Variants in AGAP1 observed in about 807,000 individuals in gnomAD.
AGAP1 encodes the protein ArfGAP with GTPase domain, ankyrin repeat and PH domain 1.
In AGAP1, 29 loss-of-function variants were observed where a neutral mutation model predicts 105.3. That is an observed-to-expected ratio of 0.28 (90% confidence interval 0.21 to 0.38). AGAP1 has a LOEUF of 0.38. AGAP1 is among the 10% of genes least tolerant of loss of function. The pLI is 1.00. For synonymous variants in AGAP1, 509 were observed against 485.9 expected, an observed-to-expected ratio of 1.05 and a Z score of -0.63; for missense variants, 998 against 1,165.1, an observed-to-expected ratio of 0.86 and a Z score of 2.09.
rs774400832 is a variant in AGAP1, at chr2:235,566,670, C to T, written c.163+71821C>T. Reference sequence around the variant, plus strand: ...CTCATGCCGCAGGACCAGCCGGGACCGGGGAGAGGCTGTTCGAGGAACACA... The same window carrying T: ...CTCATGCCGCAGGACCAGCCGGGACTGGGGAGAGGCTGTTCGAGGAACACA... On this transcript the variant is annotated intron_variant, in intron 1 of 17. Coordinates refer to ENST00000304032, the MANE Select transcript of AGAP1 (RefSeq NM_001037131.3). This position sits in a 1 kb window ranked among gnomAD's most constrained non-coding sequence, Gnocchi z 5.2. 1.4e-4 allele frequency: 124 copies of T among 903,858 alleles called. No individual in the cohort carries two copies. The highest frequency in any genetic ancestry group is 1.6e-4 in the Non-Finnish European group (119 of 755,704). 56.0% of individuals were successfully genotyped at this position (903,858 alleles called of 1,614,324 possible).
chr2:236,113,601 G>A lies in AGAP1; in HGVS notation c.2115-6591G>A, dbSNP rs1035075635. Among the ~76,000 whole-genome samples the A allele has an allele frequency of 2.0e-5, 3 of 152,220 alleles. No homozygotes were observed. The South Asian group carries it at 6.2e-4, about 31-fold the overall frequency. On this transcript the variant is annotated intron_variant, in intron 16 of 17. Transcript: ENST00000304032. The surrounding 1 kb of genome is among the most constrained non-coding windows in gnomAD (Gnocchi z 4.3). ...GTGGATTTGGCATGGCAGGCACTAA[G>A]TATGCGGGTAGCAGGTGGGGAGTGT...
chr2:235,658,730 G>A (rs945561307), intron 1 of AGAP1, among the ~76,000 whole-genome samples: 2 of 152,192 alleles, frequency 1.3e-5, no homozygotes, highest in Non-Finnish European at 1.5e-5. Context: ...GACTTCCCTG[G>A]TGAGGGTGGG....
Position 235,792,011 on chromosome 2 carries a change from C to G in AGAP1, c.674-5748C>G, listed in dbSNP as rs533035214. 2.0e-5 allele frequency among the ~76,000 whole-genome samples: 3 copies of G among 152,258 alleles called. No homozygotes were observed. Among genetic ancestry groups the G allele is most frequent in the African/African-American group, 7.2e-5 (3 of 41,546 alleles). ...TCTCATGTGAATTTCATCAGTGTGTCTATGGTGAGCATTTAAAATACGGTT... is the reference window on the plus strand; with the variant it reads ...TCTCATGTGAATTTCATCAGTGTGTGTATGGTGAGCATTTAAAATACGGTT... On this transcript the variant is annotated intron_variant, in intron 6 of 17. Coordinates refer to ENST00000304032, the MANE Select transcript of AGAP1 (RefSeq NM_001037131.3). This position sits in a 1 kb window ranked among gnomAD's most constrained non-coding sequence, Gnocchi z 5.3.
chr2:236,071,244 T>A (rs2058487565), intron 16 of AGAP1, among the ~76,000 whole-genome samples: 1 of 152,240 alleles, frequency 6.6e-6, no homozygotes, highest in Non-Finnish European at 1.5e-5. Flanking sequence ...ATTTTTGAAG[T>A]GTCCAACAGA....
intron 1 of AGAP1, among the ~76,000 whole-genome samples, chr2:235,561,099 A>C (rs543559617): frequency 6.2e-4 from 94 of 152,242 alleles, no homozygotes; most frequent in African/African-American, 2.0e-3. Context: ...TAGGGTGTCC[A>C]TTTAGCCTTC....
intron 10 of AGAP1, among the ~76,000 whole-genome samples, chr2:235,897,265 C>G (rs2050851676): frequency 6.6e-6 from 1 of 152,098 alleles, no homozygotes; most frequent in Admixed American, 6.5e-5. Flanking sequence ...GTCTCAAATT[C>G]CTGACCTCAA....
At chr2:235,679,732 C>T (rs1205925444) in intron 1 of AGAP1, among the ~76,000 whole-genome samples, 1 of 152,182 alleles carries the variant, frequency 6.6e-6, no homozygotes, top group Non-Finnish European at 1.5e-5. Flanking sequence ...AGGGCTGGCA[C>T]CAGAGAGCAT....
In AGAP1 at chr2:235,752,943, G is replaced by A. The variant is rs895560827; in HGVS notation, c.673+2455G>A. On this transcript the variant is annotated intron_variant, in intron 6 of 17. Coordinates refer to ENST00000304032, the MANE Select transcript of AGAP1 (RefSeq NM_001037131.3). This position sits in a 1 kb window ranked among gnomAD's most constrained non-coding sequence, Gnocchi z 4.3. ...CCAGGTGCTGGTGGGTGTGGTGTCT[G>A]CTGAGGGCCATCCTCCTAGTGGGAT... 1.3e-5 allele frequency among the ~76,000 whole-genome samples: 2 copies of A among 152,202 alleles called. No homozygotes were observed. Among genetic ancestry groups the A allele is most frequent in the African/African-American group, 4.8e-5 (2 of 41,444 alleles).
chr2:235,746,377 C>CT (rs1172393048), intron 5 of AGAP1, among the ~76,000 whole-genome samples: 722 of 55,520 alleles, frequency 0.013, 109 homozygotes, highest in African/African-American at 0.044. Context: ...CCTCCCCCAA[C>CT]TTTTTTTTTT....
At position 236,073,051 on chromosome 2, in the gene AGAP1, AGTG is replaced by A. The variant is rs1485639972; in HGVS notation, c.2114+23774_2114+23776del. Among the ~76,000 whole-genome samples, 1 of 150,986 alleles carries A rather than the reference AGTG, an allele frequency of 6.6e-6. No individual in the cohort carries two copies. Among genetic ancestry groups the A allele is most frequent in the Non-Finnish European group, 1.5e-5 (1 of 67,836 alleles). On this transcript the variant is annotated intron_variant, in intron 16 of 17. Coordinates refer to ENST00000304032, the MANE Select transcript of AGAP1 (RefSeq NM_001037131.3). The surrounding 1 kb of genome is among the most constrained non-coding windows in gnomAD (Gnocchi z 5.4). ...TCGCTGTGTCTCCAGGCTGGAGTGC[AGTG>A]GTGCAATCTCAGCTCACTGCAACTT...
intron 10 of AGAP1, among the ~76,000 whole-genome samples, chr2:235,896,900 T>A (rs1454335478): frequency 3.9e-5 from 6 of 152,234 alleles, no homozygotes; most frequent in Admixed American, 3.3e-4. Context: ...TATGTAATTC[T>A]TTCTTTGTTT....
chr2:235,927,088 G>T lies in AGAP1; in HGVS notation c.1325-3677G>T, dbSNP rs184841242. 6.6e-6 allele frequency among the ~76,000 whole-genome samples: 1 copy of T among 152,348 alleles called. No homozygotes were observed. Among genetic ancestry groups the T allele is most frequent in the African/African-American group, 2.4e-5 (1 of 41,584 alleles). On this transcript the variant is annotated intron_variant, in intron 11 of 17. Coordinates refer to ENST00000304032, the MANE Select transcript of AGAP1 (RefSeq NM_001037131.3). The surrounding 1 kb of genome is among the most constrained non-coding windows in gnomAD (Gnocchi z 4.4). ...TTCACCTTTATCACGGTTTGTCCAT[G>T]TATACACCTTGATGTGGCCCAAATT...
intron 1 of AGAP1, among the ~76,000 whole-genome samples, chr2:235,589,579 A>T (rs1022295124): frequency 2.0e-5 from 3 of 152,090 alleles, no homozygotes; most frequent in African/African-American, 7.2e-5. Context: ...CTGGTTCTTC[A>T]TGGGCAGGAG....
chr2:235,695,586 A>T, intron 1 of AGAP1, among the ~76,000 whole-genome samples: 1 of 152,196 alleles, frequency 6.6e-6, no homozygotes, highest in East Asian at 1.9e-4. Flanking sequence ...TCAAGAACAG[A>T]CAGCTTTTGT....
chr2:235,700,827 A>G lies in AGAP1; in HGVS notation c.164-8352A>G, dbSNP rs558832136. On this transcript the variant is annotated intron_variant, in intron 1 of 17. Coordinates refer to ENST00000304032, the MANE Select transcript of AGAP1 (RefSeq NM_001037131.3). This position sits in a 1 kb window ranked among gnomAD's most constrained non-coding sequence, Gnocchi z 6.1. ...TCTCTCTCTCTCTCTCTCTGTGTATATATAGTATATATTATATATGTATAT... is the reference window on the plus strand; with the variant it reads ...TCTCTCTCTCTCTCTCTCTGTGTATGTATAGTATATATTATATATGTATAT... Among the ~76,000 whole-genome samples, 28 of 148,970 alleles carry G rather than the reference A, an allele frequency of 1.9e-4. No homozygotes were observed. The East Asian group carries it at 5.3e-3, about 28-fold the overall frequency.
Position 236,080,035 on chromosome 2 carries a change from G to A in AGAP1, c.2114+30754G>A, listed in dbSNP as rs978407557. 6.6e-6 allele frequency among the ~76,000 whole-genome samples: 1 copy of A among 152,202 alleles called. No homozygotes were observed. Among genetic ancestry groups the A allele is most frequent in the Middle Eastern group, 3.2e-3 (1 of 316 alleles). ...TTTGGGTCATTTCCCAGGTCCCAGT[G>A]CCCATAGCTGTGATGTAGTCAGGGC... On this transcript the variant is annotated intron_variant, in intron 16 of 17. Coordinates refer to ENST00000304032, the MANE Select transcript of AGAP1 (RefSeq NM_001037131.3). The surrounding 1 kb of genome is among the most constrained non-coding windows in gnomAD (Gnocchi z 4.2).
chr2:235,913,433 C>T (rs577492913), intron 11 of AGAP1, among the ~76,000 whole-genome samples: 45 of 151,470 alleles, frequency 3.0e-4, no homozygotes, highest in Non-Finnish European at 5.6e-4. Context: ...TGTCGTTTTT[C>T]TCTTTGTTGA....
intron 16 of AGAP1, among the ~76,000 whole-genome samples, chr2:236,086,388 G>A (rs1299047412): frequency 1.3e-5 from 2 of 152,192 alleles, no homozygotes; most frequent in African/African-American, 2.4e-5. Flanking sequence ...TACTGCTCAA[G>A]TGTAGTTGCA....
Position 235,639,719 on chromosome 2 carries a change from A to C in AGAP1, c.164-69460A>C, listed in dbSNP as rs927914153. 6.6e-6 allele frequency among the ~76,000 whole-genome samples: 1 copy of C among 152,192 alleles called. No homozygotes were observed. The highest frequency in any genetic ancestry group is 1.5e-5 in the Non-Finnish European group (1 of 68,046). ...ATAGTGGCAGCGCTTGCCTCGCTGC[A>C]TCTCGTGTTCTCAAAATCAGCACAT... On this transcript the variant is annotated intron_variant, in intron 1 of 17. Coordinates refer to ENST00000304032, the MANE Select transcript of AGAP1 (RefSeq NM_001037131.3). The surrounding 1 kb of genome is among the most constrained non-coding windows in gnomAD (Gnocchi z 5.3).
Sources: gnomAD v4.1 joint callset for allele counts (sites outside exome capture counted in the v4.1 genomes callset) on GRCh38, gnomAD v4.1.1 for gene constraint, Gnocchi (gnomAD v3.1) non-coding constraint, MANE v1.5 for transcripts, NCBI Gene and HGNC (gene_info 2026-07-23, HGNC 2026-07-21) for gene names.